The following GUCY1A2 variants were observed in gnomAD, a reference collection of about 807,000 sequenced individuals.
GUCY1A2 encodes the protein guanylate cyclase soluble subunit alpha-2.
A neutral mutation model predicts 63.5 loss-of-function variants in GUCY1A2; 27 were observed. The ratio of observed to expected loss-of-function variants is 0.43; its 90% CI spans 0.31 to 0.59. The LOEUF (loss-of-function observed/expected upper bound fraction) is 0.59, where lower values mean the gene tolerates loss of function less well. GUCY1A2 is among the 20% of genes least tolerant of loss of function. The pLI is 0.11. For synonymous variants in GUCY1A2, 364 were observed against 343.5 expected (o/e 1.06, Z -0.66); for missense variants, 768 against 913.3 (o/e 0.84, Z 2.05).
At chr11:106,930,824 C>T (rs1052414544) in intron 4 of GUCY1A2, among the ~76,000 whole-genome samples, 24 of 152,292 alleles carry the variant, frequency 1.6e-4, no homozygotes, top group African/African-American at 4.3e-4. Flanking sequence ...CCTGTAAATC[C>T]CAGCACTTTG....
At chr11:106,691,415 C>T (rs1426271182) in intron 7 of GUCY1A2, among the ~76,000 whole-genome samples, 1 of 152,152 alleles carries the variant, frequency 6.6e-6, no homozygotes, top group Non-Finnish European at 1.5e-5. Flanking sequence ...AGCCCATAAT[C>T]AACAATTAGG....
In GUCY1A2 at chr11:106,695,405, G is replaced by A. The variant is rs115642183; in HGVS notation, c.1992-7649C>T. Among the ~76,000 whole-genome samples the A allele has an allele frequency of 7.2e-3, 1,098 of 152,024 alleles. 11 individuals are homozygous for A. The highest frequency in any genetic ancestry group is 0.025 in the African/African-American group (1,047 of 41,478). On this transcript the variant is annotated intron_variant, in intron 7 of 7. Transcript: ENST00000526355. ...ATTATTCATCTGAATATCTTTTTTT[G>A]CTAAGGAATGCATTTGGATTCTATT...
chr11:106,775,928 G>C (rs1864349438), intron 6 of GUCY1A2, among the ~76,000 whole-genome samples: 1 of 152,038 alleles, frequency 6.6e-6, no homozygotes, highest in African/African-American at 2.4e-5. Flanking sequence ...AACACACCAG[G>C]ATCTGGACTT....
chr11:106,877,089 G>C (rs1218807807), intron 4 of GUCY1A2, among the ~76,000 whole-genome samples: 1 of 152,048 alleles, frequency 6.6e-6, no homozygotes. Flanking sequence ...GCAGCCTTTA[G>C]AAGTTGAAAA....
intron 7 of GUCY1A2, among the ~76,000 whole-genome samples, chr11:106,704,973 A>G (rs1862882989): frequency 4.0e-5 from 6 of 151,642 alleles, no homozygotes; most frequent in Admixed American, 3.9e-4. Context: ...ATCCCATAAA[A>G]AACTTATCCC....
At chr11:106,755,187 G>A (rs1043592749) in intron 6 of GUCY1A2, among the ~76,000 whole-genome samples, 3 of 152,184 alleles carry the variant, frequency 2.0e-5, no homozygotes, top group South Asian at 2.1e-4. Flanking sequence ...TGTGGGATCG[G>A]TGGTGATATC....
chr11:106,734,439 AT>A (rs1220738612), intron 6 of GUCY1A2, among the ~76,000 whole-genome samples: 5 of 152,166 alleles, frequency 3.3e-5, no homozygotes, highest in Non-Finnish European at 5.9e-5. Context: ...TTTGAAAAAA[AT>A]AAATGTATTT....
Position 106,934,806 on chromosome 11 carries a change from G to A in GUCY1A2, c.1206+4654C>T, listed in dbSNP as rs1027527217. ...ATTTCAAATGCTGGGTTCCTTCCAA[G>A]GTGCTATTAAAGTTCTCTCAAGTGA... On this transcript the variant is annotated intron_variant, in intron 4 of 7. Coordinates refer to ENST00000526355, the MANE Select transcript of GUCY1A2 (RefSeq NM_000855.3). Among the ~76,000 whole-genome samples the A allele has an allele frequency of 3.9e-5, 6 of 152,112 alleles. No individual in the cohort carries two copies. In the East Asian group the frequency reaches 1.2e-3, roughly 29 times the overall value.
chr11:106,946,845 TTAGG>T (rs1860836080), intron 3 of GUCY1A2, among the ~76,000 whole-genome samples: 1 of 152,146 alleles, frequency 6.6e-6, no homozygotes, highest in Non-Finnish European at 1.5e-5. Flanking sequence ...TACACTTTTG[TTAGG>T]TAAATTGCAT....
At chr11:106,736,729 C>T (rs550749840) in intron 6 of GUCY1A2, among the ~76,000 whole-genome samples, 2 of 152,238 alleles carry the variant, frequency 1.3e-5, no homozygotes, top group East Asian at 3.9e-4. Flanking sequence ...GTAGTATGAA[C>T]ATTTTAATAA....
chr11:106,946,568 G>C (rs1170183743), intron 3 of GUCY1A2, among the ~76,000 whole-genome samples: 1 of 152,058 alleles, frequency 6.6e-6, no homozygotes, highest in Non-Finnish European at 1.5e-5. Flanking sequence ...CAGCAATGGA[G>C]GGGCAATATT....
chr11:106,787,029 T>C (rs57569180), intron 5 of GUCY1A2, among the ~76,000 whole-genome samples: 1 of 152,296 alleles, frequency 6.6e-6, no homozygotes, highest in African/African-American at 2.4e-5. Context: ...GTCACAAAAG[T>C]AAATCCTGTG....
chr11:106,887,034 T>C (rs866075650), intron 4 of GUCY1A2, among the ~76,000 whole-genome samples: 1 of 152,140 alleles, frequency 6.6e-6, no homozygotes, highest in Non-Finnish European at 1.5e-5. Flanking sequence ...ACCTTGCTGA[T>C]GGCTAACTAT....
At chr11:106,838,286 A>C (rs1475654666) in intron 4 of GUCY1A2, among the ~76,000 whole-genome samples, 1 of 151,968 alleles carries the variant, frequency 6.6e-6, no homozygotes, top group African/African-American at 2.4e-5. Flanking sequence ...GGATCTGTTT[A>C]AAAGTCAACT....
rs558353800 is a variant in GUCY1A2 at position 107,000,182 on chromosome 11, T to C, written c.304-14051A>G. Among the ~76,000 whole-genome samples, 5 of 152,348 alleles carry C rather than the reference T, an allele frequency of 3.3e-5. No individual in the cohort carries two copies. The East Asian group carries it at 9.6e-4, about 29-fold the overall frequency. ...AACAAAGGGGAAGATTGGTTTTCTT[T>C]GAAATGTGTTTACAATGGCAATAAG... On this transcript the variant is annotated intron_variant, in intron 1 of 7. Transcript: ENST00000526355.
At chr11:106,933,454 G>T (rs544789582) in intron 4 of GUCY1A2, among the ~76,000 whole-genome samples, 1 of 152,256 alleles carries the variant, frequency 6.6e-6, no homozygotes, top group African/African-American at 2.4e-5. Flanking sequence ...AACAGATGCT[G>T]GCAAGGCTGT....
chr11:106,821,473 C>G (rs906096222), intron 4 of GUCY1A2, among the ~76,000 whole-genome samples: 3 of 152,158 alleles, frequency 2.0e-5, no homozygotes, highest in African/African-American at 4.8e-5. Flanking sequence ...CCCTGGGGTG[C>G]TTTTGTCACC....
Position 106,978,606 on chromosome 11 carries a change from A to G in GUCY1A2, c.487+13T>C. On this transcript the variant is annotated intron_variant, in intron 3 of 7. Coordinates refer to ENST00000526355, the MANE Select transcript of GUCY1A2 (RefSeq NM_000855.3). Reference sequence around the variant, plus strand: ...TTCTCTCTCATCCATATAAATATATATAGTTAATATACCGAGTATATTAGC... The same window carrying G: ...TTCTCTCTCATCCATATAAATATATGTAGTTAATATACCGAGTATATTAGC... 6.9e-7 allele frequency: 1 copy of G among 1,445,234 alleles called. No homozygotes were observed. The highest frequency in any genetic ancestry group is 9.6e-7 in the Non-Finnish European group (1 of 1,045,292). 89.5% of individuals were successfully genotyped at this position (1,445,234 alleles called of 1,614,324 possible).
intron 4 of GUCY1A2, among the ~76,000 whole-genome samples, chr11:106,929,858 T>C (rs1056460087): frequency 6.7e-6 from 1 of 149,992 alleles, no homozygotes. Context: ...AATTTTTATA[T>C]GATAACTATT....
Sources: gnomAD v4.1 joint callset for allele counts (sites outside exome capture counted in the v4.1 genomes callset) on GRCh38, gnomAD v4.1.1 for gene constraint, MANE v1.5 for transcripts, NCBI Gene and HGNC (gene_info 2026-07-23, HGNC 2026-07-21) for gene names.